Variants in ADGRD1 observed in about 807,000 individuals in gnomAD.
The protein encoded by ADGRD1 is adhesion G protein-coupled receptor D1, also known as G-protein coupled receptor 133.
In ADGRD1, 77 loss-of-function variants were observed where a neutral mutation model predicts 113.4. That is an observed-to-expected ratio of 0.68 (90% CI 0.57 to 0.82). The LOEUF is 0.82. Among genes scored for constraint, ADGRD1 ranks in the 40% least tolerant of loss-of-function variants. The pLI is 0.00. For synonymous variants in ADGRD1, 474 were observed against 475.0 expected, an observed-to-expected ratio of 1.00 and a Z score of 0.03; for missense variants, 1,036 against 1,139.1, an observed-to-expected ratio of 0.91 and a Z score of 1.30.
At chr12:131,124,181 G>A (rs1198690099) in intron 20 of ADGRD1, among the ~76,000 whole-genome samples, 3 of 152,150 alleles carry the variant, frequency 2.0e-5, no homozygotes, top group Non-Finnish European at 2.9e-5. Context: ...GTGCCATCTG[G>A]GCCAATTCCT....
intron 13 of ADGRD1, among the ~76,000 whole-genome samples, chr12:131,068,785 CAA>C (rs1884923425): frequency 6.6e-6 from 1 of 152,090 alleles, no homozygotes; most frequent in African/African-American, 2.4e-5. Flanking sequence ...ACAAGAAGAA[CAA>C]AGGGAAGAAA....
intron 8 of ADGRD1, among the ~76,000 whole-genome samples, chr12:130,997,188 A>ACCCC (rs36044466): frequency 4.8e-5 from 1 of 20,828 alleles, no homozygotes; most frequent in African/African-American, 2.5e-4. Flanking sequence ...CGGGGGGCTG[A>ACCCC]CCCCCCCCCC....
chr12:130,976,558 C>A (rs985877339), intron 4 of ADGRD1, among the ~76,000 whole-genome samples: 3 of 152,136 alleles, frequency 2.0e-5, no homozygotes, highest in Admixed American at 6.5e-5. Context: ...CCGGAATCCG[C>A]GGCTGACTAT....
intron 7 of ADGRD1, 78 bp downstream of exon 7, chr12:130,991,156 C>A: frequency 8.6e-7 from 1 of 1,165,950 alleles, no homozygotes; most frequent in Non-Finnish European, 1.3e-6. Context: ...GAGAAAATTC[C>A]ATTAGGTGTC....
rs547945067 is a variant in ADGRD1 at position 131,096,697 on chromosome 12, G to A, written c.1672-8134G>A. 3.3e-5 allele frequency among the ~76,000 whole-genome samples: 5 copies of A among 151,792 alleles called. No homozygotes were observed. Among genetic ancestry groups the A allele is most frequent in the African/African-American group, 7.3e-5 (3 of 41,318 alleles). On this transcript the variant is annotated intron_variant, in intron 15 of 24. Coordinates refer to ENST00000261654, the MANE Select transcript of ADGRD1 (RefSeq NM_198827.5). The surrounding 1 kb of genome is among the most constrained non-coding windows in gnomAD (Gnocchi z 5.2). ...CACTGCCGGTCCAGTTTTATATCCC[G>A]CCTCCATCTGTGAGGATGGGTTCCC...
chr12:131,110,618 A>G (rs1214461997), intron 18 of ADGRD1, among the ~76,000 whole-genome samples: 1 of 152,188 alleles, frequency 6.6e-6, no homozygotes, highest in East Asian at 1.9e-4. Context: ...GAGCAAGTAC[A>G]TATTTATAGA....
intron 15 of ADGRD1, among the ~76,000 whole-genome samples, chr12:131,091,173 A>T (rs1886881567): frequency 6.6e-6 from 1 of 152,192 alleles, no homozygotes. Flanking sequence ...AATTGGATAA[A>T]ATTATCCTAG....
rs941000256 is a variant in ADGRD1 at position 131,075,335 on chromosome 12, G to A, written c.1474-1466G>A. Among the ~76,000 whole-genome samples the A allele has an allele frequency of 6.6e-6, 1 of 152,018 alleles. No individual in the cohort carries two copies. The highest frequency in any genetic ancestry group is 1.5e-5 in the Non-Finnish European group (1 of 68,000). ...TTTTCTATTATGTGAGGTTGGTGCT[G>A]CAGTTTTCCTGCTGATGCCCCTCTG... On this transcript the variant is annotated intron_variant, in intron 13 of 24. Transcript: ENST00000261654. This position sits in a 1 kb window ranked among gnomAD's most constrained non-coding sequence, Gnocchi z 5.3.
At chr12:131,136,484 C>G (rs1951089533) in intron 22 of ADGRD1, among the ~76,000 whole-genome samples, 1 of 152,228 alleles carries the variant, frequency 6.6e-6, no homozygotes. Context: ...GGCGGTCCCC[C>G]AGGTGCTGCC....
intron 14 of ADGRD1, among the ~76,000 whole-genome samples, chr12:131,077,902 C>G (rs1274074661): frequency 6.6e-6 from 1 of 152,208 alleles, no homozygotes; most frequent in Admixed American, 6.5e-5. Context: ...AGTCACTGTG[C>G]CTGGCTATGG....
chr12:131,070,814 C>T (rs755924900), intron 13 of ADGRD1: 11 of 518,898 alleles, frequency 2.1e-5, no homozygotes, highest in Admixed American at 7.8e-5. Context: ...CAGGCTGTGT[C>T]CTTATAGGTT....
intron 4 of ADGRD1, chr12:130,977,830 T>C (rs7961126): frequency 0.83 from 126,337 of 152,350 alleles, 53,323 homozygotes; most frequent in East Asian, 0.95. Flanking sequence ...GCCGCTGCTT[T>C]GTTGGCATGT....
chr12:131,029,572 T>C (rs1472548584), intron 13 of ADGRD1, among the ~76,000 whole-genome samples: 2 of 149,344 alleles, frequency 1.3e-5, no homozygotes, highest in Non-Finnish European at 3.0e-5. Context: ...TGGGGTTAGG[T>C]TGTGGACCCC....
chr12:130,994,684 A>G (rs1181079631), intron 8 of ADGRD1, among the ~76,000 whole-genome samples: 1 of 152,260 alleles, frequency 6.6e-6, no homozygotes, highest in East Asian at 1.9e-4. Context: ...TGCTTCATTA[A>G]TTATAAAATG....
Position 131,003,899 on chromosome 12 carries a change from C to T in ADGRD1, c.1145-287C>T, listed in dbSNP as rs996329261. On this transcript the variant is annotated intron_variant, in intron 10 of 24. Transcript: ENST00000261654. The surrounding 1 kb of genome is among the most constrained non-coding windows in gnomAD (Gnocchi z 4.8). ...CGCTGAGCACAGCCCATCCTTGCAC[C>T]GGCCTTGAGAGCTGGGGGCTGTGCT... Among the ~76,000 whole-genome samples the T allele has an allele frequency of 1.3e-5, 2 of 152,114 alleles. No individual in the cohort carries two copies. The highest frequency in any genetic ancestry group is 2.9e-5 in the Non-Finnish European group (2 of 68,018).
chr12:131,122,285 G>A (rs559776030), intron 20 of ADGRD1, among the ~76,000 whole-genome samples: 1 of 152,272 alleles, frequency 6.6e-6, no homozygotes, highest in South Asian at 2.1e-4. Flanking sequence ...TGGCATCAGA[G>A]CCTCCCTCAC....
intron 4 of ADGRD1, chr12:130,976,979 T>G (rs1478497326): frequency 6.6e-6 from 1 of 152,310 alleles, no homozygotes; most frequent in Non-Finnish European, 1.5e-5. Flanking sequence ...TGAGCCATGA[T>G]TGCACCACTG....
intron 13 of ADGRD1, among the ~76,000 whole-genome samples, chr12:131,045,413 ACT>A (rs1292798503): frequency 6.6e-6 from 1 of 152,072 alleles, no homozygotes; most frequent in Admixed American, 6.5e-5. Context: ...GGATCCTGAA[ACT>A]CTGTTCACAA....
rs1486088878 is a variant in ADGRD1 at position 131,041,345 on chromosome 12, GAGA to G, written c.1473+27012_1473+27014del. ...CCCTGGAAGGAGGAAGTTGTCTGGG[GAGA>G]AGAAGAGCAGGTGTGGACAGGGCAG... On this transcript the variant is annotated intron_variant, in intron 13 of 24. Transcript: ENST00000261654. This position sits in a 1 kb window ranked among gnomAD's most constrained non-coding sequence, Gnocchi z 4.4. 6.6e-6 allele frequency among the ~76,000 whole-genome samples: 1 copy of G among 152,150 alleles called. No individual in the cohort carries two copies.
Sources: gnomAD v4.1 joint callset for allele counts (sites outside exome capture counted in the v4.1 genomes callset) on GRCh38, gnomAD v4.1.1 for gene constraint, Gnocchi (gnomAD v3.1) non-coding constraint, MANE v1.5 for transcripts, NCBI Gene and HGNC (gene_info 2026-07-23, HGNC 2026-07-21) for gene names.